Variants in ITPRIP observed in about 807,000 individuals in gnomAD.
ITPRIP encodes the protein inositol 1,4,5-trisphosphate receptor interacting protein, also known as inositol 1,4,5-trisphosphate receptor-interacting protein.
A neutral mutation model predicts 35.8 loss-of-function variants in ITPRIP; 32 were observed. That is an observed-to-expected ratio of 0.89 (90% CI 0.68 to 1.20). The LOEUF is 1.20. Among genes scored for constraint, ITPRIP ranks in the 50% most tolerant of loss-of-function variants. ITPRIP has a pLI of 0.00. For missense variants in ITPRIP, 653 were observed against 735.6 expected (o/e 0.89, Z 1.30); for synonymous variants, 358 against 324.0 (o/e 1.11, Z -1.13).
rs1021784073 is a variant in ITPRIP, at chr10:104,333,094, A to T, written c.-14+5152T>A. ...GGAAAGTCACTTTTCTGATGGCCCCATCACTGCTCCAGCCTGCCCTTCCCC... is the reference window on the plus strand; with the variant it reads ...GGAAAGTCACTTTTCTGATGGCCCCTTCACTGCTCCAGCCTGCCCTTCCCC... On this transcript the variant is annotated intron_variant, in intron 1 of 1. Transcript: ENST00000337478. This position sits in a 1 kb window ranked among gnomAD's most constrained non-coding sequence, Gnocchi z 4.1. Among the ~76,000 whole-genome samples, 3 of 152,178 alleles carry T rather than the reference A, an allele frequency of 2.0e-5. No individual in the cohort carries two copies. Among genetic ancestry groups the T allele is most frequent in the Non-Finnish European group, 4.4e-5 (3 of 68,018 alleles).
At position 104,310,796 on chromosome 10, in the gene ITPRIP, C is replaced by T. The variant is rs115866950; in HGVS notation, c.*3612G>A. The stretch of plus-strand genomic sequence containing the variant: ...AGAGTCTCTATCTGGCAGCGCCCCA[C>T]CATGAGGCCTTCCCTAATCAGCCCA... On this transcript the variant is annotated 3_prime_UTR_variant, in exon 2 of 2. Coordinates refer to ENST00000337478, the MANE Select transcript of ITPRIP (RefSeq NM_001272013.2). The T allele has an allele frequency of 1.5e-3, 235 of 152,270 alleles. 3 individuals are homozygous for T. The highest frequency in any genetic ancestry group is 5.4e-3 in the African/African-American group (225 of 41,538). 9.4% of individuals were successfully genotyped at this position (152,270 alleles called of 1,614,324 possible).
Position 104,316,055 on chromosome 10 carries a change from T to C in ITPRIP, c.-4A>G, listed in dbSNP as rs776162336. 3 of 1,562,574 alleles carry C rather than the reference T, an allele frequency of 1.9e-6. No homozygotes were observed. Among genetic ancestry groups the C allele is most frequent in the Non-Finnish European group, 2.6e-6 (3 of 1,157,326 alleles). On this transcript the variant is annotated 5_prime_UTR_variant, in exon 2 of 2. Transcript: ENST00000337478. ...CGCGGAAGAGCCCCATGGCCATGGT[T>C]GGAGCTTTCCTGGGAACAGAGAGAC...
At chr10:104,325,526 T>A (rs1346476403) in intron 1 of ITPRIP, among the ~76,000 whole-genome samples, 1 of 152,224 alleles carries the variant, frequency 6.6e-6, no homozygotes, top group Non-Finnish European at 1.5e-5. Flanking sequence ...TGCCAGCCCT[T>A]GTAGGAACTT....
intron 1 of ITPRIP, among the ~76,000 whole-genome samples, chr10:104,336,321 G>A (rs1396026427): frequency 6.6e-6 from 1 of 151,976 alleles, no homozygotes; most frequent in African/African-American, 2.4e-5. Context: ...ATAAAGTCCT[G>A]CTTCTCAGCT....
intron 1 of ITPRIP, among the ~76,000 whole-genome samples, chr10:104,330,606 A>C (rs2014130013): frequency 6.6e-6 from 1 of 152,244 alleles, no homozygotes; most frequent in Non-Finnish European, 1.5e-5. Context: ...GAGAAGGAGC[A>C]GAGAAGTAAT....
intron 1 of ITPRIP, among the ~76,000 whole-genome samples, chr10:104,327,648 C>T (rs1337144367): frequency 6.6e-6 from 1 of 152,136 alleles, no homozygotes; most frequent in Non-Finnish European, 1.5e-5. Flanking sequence ...TGAATTAGGC[C>T]CCACTGAGTG....
rs2013512503 is a variant in ITPRIP at position 104,312,456 on chromosome 10, A to C, written c.*1952T>G. On this transcript the variant is annotated 3_prime_UTR_variant, in exon 2 of 2. Transcript: ENST00000337478. ...GAAAGGCATGGGCCATAAATAAATA[A>C]GGAAATTTGCCCCGATTCTACAAAT... The C allele has an allele frequency of 4.7e-6, 1 of 213,288 alleles. No homozygotes were observed. The highest frequency in any genetic ancestry group is 2.3e-5 in the African/African-American group (1 of 42,582). 13.2% of individuals were successfully genotyped at this position (213,288 alleles called of 1,614,324 possible).
chr10:104,327,891 C>A (rs1302044671), intron 1 of ITPRIP, among the ~76,000 whole-genome samples: 1 of 152,238 alleles, frequency 6.6e-6, no homozygotes. Context: ...CCCCGTGTCG[C>A]CCTGGTGTGC....
intron 1 of ITPRIP, among the ~76,000 whole-genome samples, chr10:104,330,142 C>G (rs1249702963): frequency 7.2e-5 from 11 of 152,172 alleles, no homozygotes; most frequent in Admixed American, 7.2e-4. Context: ...TTCTGAGTAC[C>G]CAGCTTTGGA....
Position 104,314,889 on chromosome 10 carries a change from T to C in ITPRIP, c.1163A>G (p.Glu388Gly). ...TAGTGTCGTCCTGAGGAAGTGTCGC[T>C]CATAGACAGCAAAGGACAGGAGCCA... Reference protein sequence around the residue: ...TDWLLSFAVYERHFLRTTLKA... With the variant: ...TDWLLSFAVYGRHFLRTTLKA... The change falls in exon 2 of 2, where the codon GAG becomes GGG. Residue 388 changes from glutamate (E) to glycine (G), a missense_variant. Coordinates refer to ENST00000337478, the MANE Select transcript of ITPRIP (RefSeq NM_001272013.2). 1 of 1,613,610 alleles carries C rather than the reference T, an allele frequency of 6.2e-7. No individual in the cohort carries two copies. The highest frequency in any genetic ancestry group is 1.3e-5 in the African/African-American group (1 of 75,022).
chr10:104,315,445 C>T lies in ITPRIP; in HGVS notation c.607G>A (p.Asp203Asn), dbSNP rs1488614159. The T allele has an allele frequency of 1.2e-6, 2 of 1,608,438 alleles. No homozygotes were observed. Among genetic ancestry groups the T allele is most frequent in the Admixed American group, 1.7e-5 (1 of 59,736 alleles). Reference protein sequence around the residue: ...VDSMYENWQVDRPLLCHLFVP... With the variant: ...VDSMYENWQVNRPLLCHLFVP... Reference sequence around the variant, plus strand: ...AAAAGGTGGCACAGCAGTGGCCTGTCCACCTGCCAGTTCTCGTACATGCTG... The same window carrying T: ...AAAAGGTGGCACAGCAGTGGCCTGTTCACCTGCCAGTTCTCGTACATGCTG... The change falls in exon 2 of 2, where the codon GAC (aspartate) becomes AAC (asparagine). Residue 203 changes from aspartate to asparagine, a missense_variant. Transcript: ENST00000337478. This position sits in a 1 kb window ranked among gnomAD's most constrained non-coding sequence, Gnocchi z 5.7.
chr10:104,322,966 C>T (rs1167650223), intron 1 of ITPRIP, among the ~76,000 whole-genome samples: 1 of 151,758 alleles, frequency 6.6e-6, no homozygotes, highest in Non-Finnish European at 1.5e-5. Flanking sequence ...GTTTCTCAGC[C>T]CCAGCTGATG....
chr10:104,329,413 C>G (rs1564866614), intron 1 of ITPRIP, among the ~76,000 whole-genome samples: 1 of 152,084 alleles, frequency 6.6e-6, no homozygotes, highest in African/African-American at 2.4e-5. Flanking sequence ...ACAAAACAAC[C>G]CTACTATGAC....
Position 104,312,299 on chromosome 10 carries a change from T to C in ITPRIP, c.*2109A>G, listed in dbSNP as rs866834698. On this transcript the variant is annotated 3_prime_UTR_variant, in exon 2 of 2. Coordinates refer to ENST00000337478, the MANE Select transcript of ITPRIP (RefSeq NM_001272013.2). ...ACACACAAGAAGCCAGAAGATATTTTTTTTTCAGTGAACTTTCTCCTGGAA... is the reference window on the plus strand; with the variant it reads ...ACACACAAGAAGCCAGAAGATATTTCTTTTTCAGTGAACTTTCTCCTGGAA... 3 of 152,610 alleles carry C rather than the reference T, an allele frequency of 2.0e-5. No individual in the cohort carries two copies. Among genetic ancestry groups the C allele is most frequent in the Admixed American group, 1.3e-4 (2 of 15,272 alleles). The allele number at this position is 152,610 out of a possible 1,614,324, so 9.5% of individuals were successfully genotyped here.
In ITPRIP at chr10:104,314,686, C is replaced by T. The variant is rs199921635; in HGVS notation, c.1366G>A (p.Ala456Thr). 19 of 1,613,798 alleles carry T rather than the reference C, an allele frequency of 1.2e-5. No individual in the cohort carries two copies. The highest frequency in any genetic ancestry group is 1.6e-4 in the Middle Eastern group (1 of 6,062). Residue 456 changes from alanine to threonine, a missense_variant, in exon 2 of 2, where the codon GCT becomes ACT. Transcript: ENST00000337478. ...AADWKAGQLD[A>T]RLHELLCFLE... ...AAGCACAGCAACTCGTGCAGACGAG[C>T]GTCCAGCTGCCCCGCCTTCCAGTCG...
At chr10:104,332,763 C>T (rs1036957860) in intron 1 of ITPRIP, among the ~76,000 whole-genome samples, 3 of 151,664 alleles carry the variant, frequency 2.0e-5, no homozygotes, top group Admixed American at 1.3e-4. Flanking sequence ...ATCTCAAGCA[C>T]ACCCAACTGA....
At chr10:104,335,318 G>A (rs1273197091) in intron 1 of ITPRIP, among the ~76,000 whole-genome samples, 2 of 152,308 alleles carry the variant, frequency 1.3e-5, no homozygotes, top group African/African-American at 4.8e-5. Context: ...GGGCATTTGT[G>A]GGTGAATGGG....
chr10:104,324,668 G>T (rs1471591075), intron 1 of ITPRIP, among the ~76,000 whole-genome samples: 1 of 152,112 alleles, frequency 6.6e-6, no homozygotes, highest in Non-Finnish European at 1.5e-5. Context: ...GAGGACCCGG[G>T]TTGTAAAATC....
chr10:104,327,701 C>T (rs2014056944), intron 1 of ITPRIP, among the ~76,000 whole-genome samples: 2 of 152,158 alleles, frequency 1.3e-5, no homozygotes, highest in South Asian at 2.1e-4. Flanking sequence ...GTAGATGCAC[C>T]GGCACACAGC....
Sources: allele counts gnomAD v4.1 joint callset (sites outside exome capture counted in the v4.1 genomes callset), GRCh38; gene constraint gnomAD v4.1.1; non-coding constraint Gnocchi (gnomAD v3.1); transcripts MANE v1.5; gene names NCBI Gene and HGNC (gene_info 2026-07-23, HGNC 2026-07-21).